The following SLIT3 variants were observed in gnomAD, a reference collection of about 807,000 sequenced individuals.
SLIT3 encodes the protein slit guidance ligand 3, also known as slit homolog 3 protein.
SLIT3 carries 68 observed loss-of-function variants against 184.0 expected under a neutral mutation model. That is an observed-to-expected ratio of 0.37 (90% CI 0.30 to 0.45). SLIT3 has a LOEUF of 0.45. Ranked by LOEUF, SLIT3 falls within the 20% of genes least tolerant of loss-of-function variation. The pLI, the probability that SLIT3 is intolerant of heterozygous loss-of-function variation, is 1.00. For missense variants in SLIT3, 1,707 were observed against 2,026.0 expected (o/e 0.84, Z 3.02); for synonymous variants, 831 against 828.6 (o/e 1.00, Z -0.05).
At chr5:168,970,322 C>A (rs1754527367) in intron 4 of SLIT3, among the ~76,000 whole-genome samples, 1 of 151,984 alleles carries the variant, frequency 6.6e-6, no homozygotes, top group Admixed American at 6.5e-5. Context: ...ATGGTGAAAC[C>A]CCATCTCTAC....
intron 32 of SLIT3, among the ~76,000 whole-genome samples, chr5:168,678,652 C>A (rs951090685): frequency 6.6e-6 from 1 of 152,006 alleles, no homozygotes; most frequent in Non-Finnish European, 1.5e-5. Context: ...TACTGCACTC[C>A]AGCCCGGGTG....
At chr5:169,147,988 AT>A (rs968497826) in intron 4 of SLIT3, among the ~76,000 whole-genome samples, 1 of 152,110 alleles carries the variant, frequency 6.6e-6, no homozygotes, top group Admixed American at 6.5e-5. Flanking sequence ...TTAGAGAAAG[AT>A]TCCAAGAAGA....
intron 4 of SLIT3, among the ~76,000 whole-genome samples, chr5:169,107,746 T>G (rs1760269515): frequency 6.6e-6 from 1 of 152,248 alleles, no homozygotes; most frequent in Non-Finnish European, 1.5e-5. Flanking sequence ...CAGCCCAATT[T>G]GCCTTCTTTC....
rs143424409 is a variant in SLIT3 at position 169,100,913 on chromosome 5, T to C, written c.413+92566A>G. On this transcript the variant is annotated intron_variant, in intron 4 of 35. Transcript: ENST00000519560. ...AACCCTGCTGGCAAGAGAATGCTAG[T>C]TGCTGCCTCTCAAAGTGTCCTTCTG... Among the ~76,000 whole-genome samples, 170 of 152,352 alleles carry C rather than the reference T, an allele frequency of 1.1e-3. 3 individuals are homozygous for C. In the East Asian group the frequency reaches 0.025, roughly 22 times the overall value.
At chr5:168,847,087 T>C (rs1312114381) in intron 5 of SLIT3, among the ~76,000 whole-genome samples, 2 of 152,220 alleles carry the variant, frequency 1.3e-5, no homozygotes, top group Non-Finnish European at 2.9e-5. Flanking sequence ...ATTTTCAGGC[T>C]AAAAGCAGAG....
At chr5:169,050,955 G>T (rs1757794809) in intron 4 of SLIT3, among the ~76,000 whole-genome samples, 1 of 152,172 alleles carries the variant, frequency 6.6e-6, no homozygotes, top group African/African-American at 2.4e-5. Flanking sequence ...ATGGACCCTG[G>T]TTGGTTATCT....
intron 3 of SLIT3, among the ~76,000 whole-genome samples, chr5:169,206,887 G>A (rs1408475761): frequency 6.6e-6 from 1 of 151,958 alleles, no homozygotes. Context: ...CCCGATTCAG[G>A]TCCAAGGTTT....
At chr5:168,967,208 C>G (rs1256260748) in intron 4 of SLIT3, among the ~76,000 whole-genome samples, 2 of 151,794 alleles carry the variant, frequency 1.3e-5, no homozygotes, top group Non-Finnish European at 2.9e-5. Context: ...ATAGTATAAT[C>G]CAATGCTATA....
At chr5:168,857,298 T>C (rs1247178371) in intron 5 of SLIT3, among the ~76,000 whole-genome samples, 1 of 152,238 alleles carries the variant, frequency 6.6e-6, no homozygotes, top group Non-Finnish European at 1.5e-5. Context: ...GAACTGAGGA[T>C]GACAGCCACT....
chr5:168,776,636 C>T (rs1278912751), intron 12 of SLIT3, among the ~76,000 whole-genome samples: 5 of 152,130 alleles, frequency 3.3e-5, no homozygotes, highest in African/African-American at 7.2e-5. Flanking sequence ...CCCATCCTAT[C>T]GGTCTATACT....
At chr5:168,853,724 G>T (rs890059199) in intron 5 of SLIT3, among the ~76,000 whole-genome samples, 15 of 152,324 alleles carry the variant, frequency 9.8e-5, no homozygotes, top group African/African-American at 3.6e-4. Context: ...CACGATGACT[G>T]TAAGAGATGC....
intron 4 of SLIT3, among the ~76,000 whole-genome samples, chr5:168,976,578 A>G (rs552022110): frequency 3.2e-4 from 48 of 152,360 alleles, no homozygotes; most frequent in Non-Finnish European, 5.0e-4. Flanking sequence ...GCAGATTTTC[A>G]TATTTACTGT....
chr5:168,821,169 A>G (rs1260421413), intron 7 of SLIT3, among the ~76,000 whole-genome samples: 3 of 152,154 alleles, frequency 2.0e-5, no homozygotes, highest in Admixed American at 1.3e-4. Context: ...AAACCAGTAG[A>G]AAAAAACCCT....
rs142305256 is a variant in SLIT3 at position 168,879,263 on chromosome 5, G to A, written c.485+4002C>T. Among the ~76,000 whole-genome samples the A allele has an allele frequency of 2.4e-3, 365 of 152,284 alleles. 1 individual carries two copies. The highest frequency in any genetic ancestry group is 4.1e-3 in the Non-Finnish European group (282 of 68,018). On this transcript the variant is annotated intron_variant, in intron 5 of 35. Coordinates refer to ENST00000519560, the MANE Select transcript of SLIT3 (RefSeq NM_003062.4). ...TGTGAATTCCCTGAGCTCACACACT[G>A]TGGTGGAGCAGGCTTGGGGGCTGGG...
chr5:169,171,556 G>T (rs1273485003), intron 4 of SLIT3, among the ~76,000 whole-genome samples: 1 of 152,212 alleles, frequency 6.6e-6, no homozygotes, highest in African/African-American at 2.4e-5. Flanking sequence ...TAGATTGAAA[G>T]CCTCAGGAAA....
At chr5:169,201,487 G>C (rs1763902456) in intron 3 of SLIT3, among the ~76,000 whole-genome samples, 1 of 152,194 alleles carries the variant, frequency 6.6e-6, no homozygotes, top group Non-Finnish European at 1.5e-5. Flanking sequence ...GGCTCAATAA[G>C]TGGTAGCTGT....
intron 4 of SLIT3, among the ~76,000 whole-genome samples, chr5:169,039,527 C>T (rs759830811): frequency 3.9e-5 from 6 of 151,988 alleles, no homozygotes; most frequent in Non-Finnish European, 7.4e-5. Flanking sequence ...CCATGTTAGC[C>T]GGGATGGTCT....
chr5:169,237,772 T>C (rs1765254294), intron 3 of SLIT3, among the ~76,000 whole-genome samples: 1 of 152,218 alleles, frequency 6.6e-6, no homozygotes, highest in African/African-American at 2.4e-5. Context: ...TGGTATCTGC[T>C]TACTGTTGAG....
intron 4 of SLIT3, among the ~76,000 whole-genome samples, chr5:168,921,598 T>C (rs1422826214): frequency 1.3e-5 from 2 of 152,200 alleles, no homozygotes; most frequent in Admixed American, 1.3e-4. Context: ...GACTAGCCAT[T>C]AGCAAAATTA....
Sources: allele counts gnomAD v4.1 joint callset (sites outside exome capture counted in the v4.1 genomes callset), GRCh38; gene constraint gnomAD v4.1.1; transcripts MANE v1.5; gene names NCBI Gene and HGNC (gene_info 2026-07-23, HGNC 2026-07-21).